Variants in PHTF1 observed in about 807,000 individuals in gnomAD.
PHTF1 encodes the protein putative homeodomain transcription factor 1, also known as protein PHTF1.
A neutral mutation model predicts 102.4 loss-of-function variants in PHTF1; 88 were observed. That is an observed-to-expected ratio of 0.86 (90% confidence interval 0.72 to 1.03). The LOEUF (loss-of-function observed/expected upper bound fraction) is 1.03, where lower values mean the gene tolerates loss of function less well. Among genes scored for constraint, PHTF1 ranks in the 50% least tolerant of loss-of-function variants. The pLI is 0.00. For synonymous variants in PHTF1, 289 were observed against 305.2 expected (o/e 0.95, Z 0.55); for missense variants, 814 against 909.5 (o/e 0.89, Z 1.35).
chr1:113,698,692 C>T (rs1439854417), intron 17 of PHTF1, among the ~76,000 whole-genome samples: 1 of 151,400 alleles, frequency 6.6e-6, no homozygotes, highest in East Asian at 1.9e-4. Flanking sequence ...CAGACATCAG[C>T]AATCATCAGA....
At position 113,710,390 on chromosome 1, in the gene PHTF1, G is replaced by T; in HGVS notation, c.1133C>A (p.Thr378Asn). ...DSESTRHDSE[T>N]EDMLWDDLLH... is the part of the protein sequence containing the mutation. ...CAGGTCGTCCCATAACATGTCCTCA[G>T]TCTCCGAGTCATGGCGGGTGCTTTC... The change falls in exon 11 of 19, where the codon ACT becomes AAT. Residue 378 changes from threonine (T) to asparagine (N), a missense_variant. Transcript: ENST00000369604. The T allele has an allele frequency of 1.9e-6, 3 of 1,614,124 alleles. No homozygotes were observed. In the East Asian group the frequency reaches 6.7e-5, roughly 36 times the overall value.
chr1:113,757,508 TTC>T (rs1659061189), intron 3 of PHTF1, among the ~76,000 whole-genome samples, 189 bp downstream of exon 3: 1 of 152,208 alleles, frequency 6.6e-6, no homozygotes, highest in Non-Finnish European at 1.5e-5. Context: ...ACTCACTCCT[TTC>T]TGTTTTCCTG....
chr1:113,697,617 G>T lies in PHTF1; in HGVS notation c.*88C>A. 1.1e-6 allele frequency: 1 copy of T among 888,748 alleles called. No homozygotes were observed. The highest frequency in any genetic ancestry group is 2.5e-5 in the East Asian group (1 of 40,734). The allele number at this position is 888,748 out of a possible 1,614,324, so 55.1% of individuals were successfully genotyped here. A position where few individuals can be genotyped will look rare whatever the true frequency, so the allele number is the denominator to read the frequency against. ...CACCTGTGCATGTGAACAAGCAGGT[G>T]GGTATCTCACTGGTTTCTGCAGTCA... On this transcript the variant is annotated 3_prime_UTR_variant, in exon 19 of 19. Transcript: ENST00000369604.
Position 113,750,407 on chromosome 1 carries a change from T to C in PHTF1, c.102+7292A>G, listed in dbSNP as rs564489430. Among the ~76,000 whole-genome samples the C allele has an allele frequency of 5.9e-5, 9 of 152,310 alleles. No individual in the cohort carries two copies. The South Asian group carries it at 1.7e-3, about 28-fold the overall frequency. ...CTTCTGATTAGCCTTTTTTATTCTCTAAATACAAAACCATGCTATCTTCAA... is the reference window on the plus strand; with the variant it reads ...CTTCTGATTAGCCTTTTTTATTCTCCAAATACAAAACCATGCTATCTTCAA... On this transcript the variant is annotated intron_variant, in intron 3 of 18. Transcript: ENST00000369604.
chr1:113,704,030 A>C (rs1490230982), intron 15 of PHTF1, 51 bp downstream of exon 15: 1 of 1,149,756 alleles, frequency 8.7e-7, no homozygotes. Flanking sequence ...CAGAAAGTGA[A>C]CTCTATAATA....
rs535722462 is a variant in PHTF1 at position 113,758,363 on chromosome 1, T to C, written c.45+296A>G. Among the ~76,000 whole-genome samples the C allele has an allele frequency of 5.9e-5, 9 of 152,150 alleles. No individual in the cohort carries two copies. In the South Asian group the frequency reaches 1.9e-3, roughly 32 times the overall value. ...TCAATCTGAGCTGTGCACATACAGG[T>C]TTCATGTCTTTTTTGTTTTTAAGCA... On this transcript the variant is annotated intron_variant, in intron 2 of 18. Transcript: ENST00000369604.
rs768036376 is a variant in PHTF1, at chr1:113,757,764, G to C, written c.46-9C>G. ...TGATCGTAGGCTCCAATCTGAAAGAGGGAGTAGTCTATTAGTTAAACGATG... is the reference window on the plus strand; with the variant it reads ...TGATCGTAGGCTCCAATCTGAAAGACGGAGTAGTCTATTAGTTAAACGATG... On this transcript the variant is annotated splice_polypyrimidine_tract_variant and intron_variant, in intron 2 of 18. Coordinates refer to ENST00000369604, the MANE Select transcript of PHTF1 (RefSeq NM_001323043.2). 1.3e-6 allele frequency: 2 copies of C among 1,571,522 alleles called. No individual in the cohort carries two copies. Among genetic ancestry groups the C allele is most frequent in the East Asian group, 2.2e-5 (1 of 44,670 alleles).
At chr1:113,754,517 G>A (rs1013300409) in intron 3 of PHTF1, among the ~76,000 whole-genome samples, 3 of 151,962 alleles carry the variant, frequency 2.0e-5, no homozygotes, top group Admixed American at 6.6e-5. Flanking sequence ...AAATAAATAC[G>A]TAATGGATGC....
At position 113,704,121 on chromosome 1, in the gene PHTF1, A is replaced by G. The variant is rs754995214; in HGVS notation, c.1850T>C (p.Phe617Ser). The change falls in exon 15 of 19, where the codon TTC becomes TCC. Residue 617 changes from phenylalanine (F) to serine (S), a missense_variant. Transcript: ENST00000369604. ...GAAAGCAATCGAAAGTGTCAGTAGG[A>G]AAACCGAGGATACAACCACATCAAC... ...RSVDVVVSSVFLLTLSIAFIC... is the reference protein window; with the variant it reads ...RSVDVVVSSVSLLTLSIAFIC... 4 of 1,613,582 alleles carry G rather than the reference A, an allele frequency of 2.5e-6. No individual in the cohort carries two copies. In the Admixed American group the frequency reaches 6.7e-5, roughly 27 times the overall value.
intron 3 of PHTF1, among the ~76,000 whole-genome samples, chr1:113,747,208 G>A (rs866465623): frequency 6.6e-5 from 10 of 152,160 alleles, no homozygotes; most frequent in African/African-American, 1.9e-4. Context: ...TCAATGTTTA[G>A]AGGGTTATAA....
Position 113,712,023 on chromosome 1 carries a change from T to C in PHTF1, c.874A>G (p.Arg292Gly), listed in dbSNP as rs763114601. 2 of 1,613,784 alleles carry C rather than the reference T, an allele frequency of 1.2e-6. No individual in the cohort carries two copies. Among genetic ancestry groups the C allele is most frequent in the Non-Finnish European group, 1.7e-6 (2 of 1,179,684 alleles). ...TCACTTGAGGCCCCTTCCACACTCC[T>C]ACGCAATAATATCATCTGTGTCCGT... ...EARTQMILLR[R>G]SVEGASSDNG... The change falls in exon 9 of 19, where the codon AGG becomes GGG. Residue 292 changes from arginine (R) to glycine (G), a missense_variant. Physicochemically the swap from Arg to Gly is moderately radical, Grantham distance 125. Transcript: ENST00000369604.
At chr1:113,697,978 A>AT (rs918118165) in intron 18 of PHTF1, among the ~76,000 whole-genome samples, 4 of 152,194 alleles carry the variant, frequency 2.6e-5, no homozygotes, top group African/African-American at 9.7e-5. Context: ...GAGTAAGACC[A>AT]TTACCCAGCT....
rs1214263307 is a variant in PHTF1, at chr1:113,748,225, T to C, written c.103-9426A>G. Among the ~76,000 whole-genome samples the C allele has an allele frequency of 3.9e-5, 6 of 152,148 alleles. No individual in the cohort carries two copies. In the East Asian group the frequency reaches 1.2e-3, roughly 29 times the overall value. On this transcript the variant is annotated intron_variant, in intron 3 of 18. Transcript: ENST00000369604. The stretch of plus-strand genomic sequence containing the variant: ...AACTCCTGAGTTCAAGGGATCCTCT[T>C]GCCTCAGCCTCCCAAAGTGCTAGGA...
intron 7 of PHTF1, among the ~76,000 whole-genome samples, chr1:113,723,448 G>T (rs1170000449): frequency 6.6e-6 from 1 of 152,168 alleles, no homozygotes; most frequent in Non-Finnish European, 1.5e-5. Flanking sequence ...AAAGTGCTGG[G>T]ATTACAGGCA....
chr1:113,759,377 C>G lies in PHTF1; in HGVS notation c.-385G>C. On this transcript the variant is annotated 5_prime_UTR_variant, in exon 1 of 19. Transcript: ENST00000369604. ...AGGCTTTGTGCCCAGCTGGAAAAGA[C>G]AGGTGCAAAGGCCCCGGACCCCGAG... 6.6e-6 allele frequency: 1 copy of G among 152,414 alleles called. No individual in the cohort carries two copies. Among genetic ancestry groups the G allele is most frequent in the Non-Finnish European group, 1.5e-5 (1 of 68,196 alleles). The allele number at this position is 152,414 out of a possible 1,614,324, so 9.4% of individuals were successfully genotyped here.
chr1:113,704,008 C>G, intron 15 of PHTF1, 73 bp downstream of exon 15: 2 of 898,292 alleles, frequency 2.2e-6, no homozygotes, highest in Non-Finnish European at 1.8e-6. Flanking sequence ...GGACAGTGAC[C>G]TAAGTCTAAA....
At chr1:113,741,165 AT>A (rs1323593140) in intron 3 of PHTF1, among the ~76,000 whole-genome samples, 2 of 152,254 alleles carry the variant, frequency 1.3e-5, no homozygotes, top group Non-Finnish European at 2.9e-5. Flanking sequence ...TATTACAGAC[AT>A]TGAACCAGTA....
chr1:113,738,397 C>G (rs1655850911), intron 4 of PHTF1, 129 bp from the exon 5 acceptor site: 2 of 635,436 alleles, frequency 3.1e-6, no homozygotes, highest in East Asian at 5.7e-5. Context: ...AAAAAAAAAA[C>G]CCTCTTAGAT....
Position 113,726,461 on chromosome 1 carries a change from G to A in PHTF1, c.445C>T (p.Gln149Ter), listed in dbSNP as rs776113028. 3 of 1,610,904 alleles carry A rather than the reference G, an allele frequency of 1.9e-6. No homozygotes were observed. The highest frequency in any genetic ancestry group is 1.1e-5 in the South Asian group (1 of 90,498). ...GTVHCQIVST[Q>*]ITRPSGNNGN... Reference sequence around the variant, plus strand: ...TTGTTTCCTGATGGTCTTGTTATCTGAGTAGACACAATTTGACAGTGGACA... The same window carrying A: ...TTGTTTCCTGATGGTCTTGTTATCTAAGTAGACACAATTTGACAGTGGACA... Residue 149 changes from glutamine (Q) to a stop codon, truncating the protein, a stop_gained, in exon 6 of 19, where the codon CAG becomes TAG. Coordinates refer to ENST00000369604, the MANE Select transcript of PHTF1 (RefSeq NM_001323043.2). LOFTEE classifies it high-confidence loss of function.
Sources: gnomAD v4.1 joint callset for allele counts (sites outside exome capture counted in the v4.1 genomes callset) on GRCh38, gnomAD v4.1.1 for gene constraint, MANE v1.5 for transcripts, NCBI Gene and HGNC (gene_info 2026-07-23, HGNC 2026-07-21) for gene names.